The following IGF2R variants were observed in gnomAD, a reference collection of about 807,000 sequenced individuals.
IGF2R encodes cation-independent mannose-6-phosphate receptor.
In IGF2R, 91 loss-of-function variants were observed where a neutral mutation model predicts 270.6. The observed-to-expected ratio is 0.34, with a 90% CI of 0.28 to 0.40. IGF2R has a LOEUF of 0.40. Ranked by LOEUF, IGF2R falls within the 10% of genes least tolerant of loss-of-function variation. The pLI, the probability that IGF2R is intolerant of heterozygous loss-of-function variation, is 1.00. For missense variants in IGF2R, 2,805 were observed against 3,188.3 expected (o/e 0.88, Z 2.90); for synonymous variants, 1,316 against 1,258.9 (o/e 1.05, Z -0.96).
rs1777968376 is a variant in IGF2R at position 160,042,549 on chromosome 6, C to T, written c.1481-599C>T. ...GCTGGTGACACTCAGCTGGTGCCCC[C>T]TCACGTCCTGCAGGTGCCTAATCAG... On this transcript the variant is annotated intron_variant, in intron 11 of 47. Coordinates refer to ENST00000356956, the MANE Select transcript of IGF2R (RefSeq NM_000876.4). Among the ~76,000 whole-genome samples the T allele has an allele frequency of 3.3e-5, 5 of 152,190 alleles. No individual in the cohort carries two copies. In the South Asian group the frequency reaches 1.0e-3, roughly 31 times the overall value.
intron 1 of IGF2R, 87 bp downstream of exon 1, chr6:159,969,482 C>T: frequency 6.9e-6 from 7 of 1,007,750 alleles, no homozygotes; most frequent in Non-Finnish European, 7.4e-6. Context: ...CGAGGAGCTC[C>T]TGGGGTCTCC....
At chr6:160,083,583 G>C (rs8191910) in intron 39 of IGF2R, among the ~76,000 whole-genome samples, 68,828 of 152,096 alleles carry the variant, frequency 0.45, 16,318 homozygotes, top group East Asian at 0.67. Flanking sequence ...GGACAATACC[G>C]AGCTTTCCAG....
At position 160,073,303 on chromosome 6, in the gene IGF2R, A is replaced by T. The variant is rs1165280828; in HGVS notation, c.4781A>T (p.Asp1594Val). The change falls in exon 34 of 48, where the codon GAT (aspartate) becomes GTT (valine). Residue 1594 changes from aspartate to valine, a missense_variant. By Grantham distance (152) the Asp-to-Val change is radical (BLOSUM62 -3). Coordinates refer to ENST00000356956, the MANE Select transcript of IGF2R (RefSeq NM_000876.4). ...CAGGTCCTGCAGCTGGTGTACAAGG[A>T]TGGGTCCCCTTGTCCCTCCAAATCC... is the stretch of plus-strand genomic sequence containing the variant. ...VDQVLQLVYK[D>V]GSPCPSKSGL... is the part of the protein sequence containing the mutation. The T allele has an allele frequency of 6.2e-7, 1 of 1,614,236 alleles. No homozygotes were observed. The highest frequency in any genetic ancestry group is 1.1e-5 in the South Asian group (1 of 91,088).
intron 3 of IGF2R, among the ~76,000 whole-genome samples, chr6:160,009,935 T>C (rs1313638388): frequency 6.6e-6 from 1 of 152,226 alleles, no homozygotes; most frequent in African/African-American, 2.4e-5. Flanking sequence ...AAAACTAATA[T>C]TGTTAATTTT....
At position 159,985,410 on chromosome 6, in the gene IGF2R, TG is replaced by T. The variant is rs1783866044; in HGVS notation, c.150-5772del. 2.0e-5 allele frequency among the ~76,000 whole-genome samples: 3 copies of T among 152,210 alleles called. No homozygotes were observed. The South Asian group carries it at 6.2e-4, about 32-fold the overall frequency. On this transcript the variant is annotated intron_variant, in intron 1 of 47. Transcript: ENST00000356956. ...TCCTCATTCTGAGCCTTGGGATATT[TG>T]GCTTCAAAGCTGAGGAACTTGGGAG... is the stretch of plus-strand genomic sequence containing the variant.
chr6:160,028,037 T>C (rs1017767879), intron 6 of IGF2R, among the ~76,000 whole-genome samples: 2 of 152,226 alleles, frequency 1.3e-5, no homozygotes, highest in African/African-American at 2.4e-5. Flanking sequence ...GAAAAGTGTT[T>C]GGAATTTTCT....
intron 44 of IGF2R, chr6:160,094,214 G>A (rs1305953070): frequency 8.8e-6 from 3 of 341,334 alleles, no homozygotes; most frequent in South Asian, 2.4e-5. Context: ...TTTCTTCTCA[G>A]TATCCATTCG....
intron 13 of IGF2R, among the ~76,000 whole-genome samples, chr6:160,045,536 C>G (rs1489789329): frequency 1.3e-5 from 2 of 152,190 alleles, no homozygotes; most frequent in African/African-American, 4.8e-5. Flanking sequence ...TCCCTCTCTT[C>G]TACTTTTTGT....
chr6:160,092,686 G>A (rs935531307), intron 44 of IGF2R, among the ~76,000 whole-genome samples: 14 of 152,338 alleles, frequency 9.2e-5, no homozygotes, highest in Non-Finnish European at 1.5e-5. Flanking sequence ...CATCAGCCCT[G>A]TGGAACAGTC....
At position 160,061,809 on chromosome 6, in the gene IGF2R, G is replaced by C; in HGVS notation, c.3463G>C (p.Val1155Leu). 6.2e-7 allele frequency: 1 copy of C among 1,614,180 alleles called. No homozygotes were observed. The highest frequency in any genetic ancestry group is 2.2e-5 in the East Asian group (1 of 44,878). ...AGGCAATAGCTGGAATCTGGGTGTG[G>C]TGCAGATGAGTCCCCAAGCCGCGGC... ...SEGNSWNLGV[V>L]QMSPQAAANG... Residue 1155 changes from valine to leucine, a missense_variant, in exon 25 of 48, where the codon GTG (valine) becomes CTG (leucine). Physicochemically the swap from Val to Leu is conservative, Grantham distance 32. Around this residue, in one of 2 missense-constraint regions of IGF2R, gnomAD observed 1,851 missense variants for 2,207.2 expected, o/e 0.84. Coordinates refer to ENST00000356956, the MANE Select transcript of IGF2R (RefSeq NM_000876.4).
intron 37 of IGF2R, 133 bp downstream of exon 37, chr6:160,078,495 G>A: frequency 1.2e-6 from 1 of 828,264 alleles, no homozygotes; most frequent in South Asian, 1.6e-5. Context: ...GCAGCATCTT[G>A]GTGCTCTCGT....
Position 160,088,033 on chromosome 6 carries a change from G to T in IGF2R, c.6206G>T (p.Gly2069Val). 1.3e-6 allele frequency: 2 copies of T among 1,586,478 alleles called. No individual in the cohort carries two copies. The highest frequency in any genetic ancestry group is 4.5e-5 in the East Asian group (2 of 44,766). The change falls in exon 42 of 48, where the codon GGT becomes GTT. Residue 2069 changes from glycine (G) to valine (V), a missense_variant and splice_region_variant. Around this residue, in one of 2 missense-constraint regions of IGF2R, gnomAD observed 1,851 missense variants for 2,207.2 expected, o/e 0.84. Coordinates refer to ENST00000356956, the MANE Select transcript of IGF2R (RefSeq NM_000876.4). ...LVHTQKLGVI[G>V]DKVVVTYSKG... is the part of the protein sequence containing the mutation. ...CAGTTCAATCATTTGTGTGTTTCAG[G>T]TGACAAAGTTGTTGTCACGTACTCC...
Position 160,075,919 on chromosome 6 carries a change from A to G in IGF2R, c.5239A>G (p.Ser1747Gly), listed in dbSNP as rs1467026394. The change falls in exon 36 of 48, where the codon AGT (serine) becomes GGT (glycine). Residue 1747 changes from serine (S) to glycine (G), a missense_variant. Transcript: ENST00000356956. The part of the protein sequence containing the change: ...ANEIYLNFES[S>G]TPCLADKHFN... The stretch of plus-strand genomic sequence containing the variant: ...TGAGATTTACTTGAATTTTGAAAGC[A>G]GTACTCCTTGCTTAGCGGACAAGCA... 1 of 1,614,160 alleles carries G rather than the reference A, an allele frequency of 6.2e-7. No homozygotes were observed. The highest frequency in any genetic ancestry group is 1.1e-5 in the South Asian group (1 of 91,092).
At chr6:159,972,354 A>G (rs3777421) in intron 1 of IGF2R, among the ~76,000 whole-genome samples, 2 of 151,958 alleles carry the variant, frequency 1.3e-5, no homozygotes, top group Non-Finnish European at 2.9e-5. Flanking sequence ...GTAAATTGGT[A>G]ATTTCATACG....
chr6:159,988,270 C>T (rs1416500232), intron 1 of IGF2R, among the ~76,000 whole-genome samples: 1 of 152,072 alleles, frequency 6.6e-6, no homozygotes, highest in Non-Finnish European at 1.5e-5. Flanking sequence ...AATCCCAGCA[C>T]TTTGGGAAGC....
At chr6:160,086,708 C>T (rs557462099) in intron 41 of IGF2R, among the ~76,000 whole-genome samples, 11 of 152,190 alleles carry the variant, frequency 7.2e-5, no homozygotes, top group Admixed American at 7.2e-4. Flanking sequence ...AAAACAAATT[C>T]AGCTGGAGCA....
chr6:160,070,742 C>A, intron 31 of IGF2R, among the ~76,000 whole-genome samples: 1 of 152,214 alleles, frequency 6.6e-6, no homozygotes, highest in Non-Finnish European at 1.5e-5. Flanking sequence ...TTAACTCGGG[C>A]AAGACCAGCT....
intron 38 of IGF2R, 80 bp from the exon 39 acceptor site, chr6:160,080,049 A>C: frequency 6.6e-7 from 1 of 1,510,768 alleles, no homozygotes; most frequent in Non-Finnish European, 9.1e-7. Context: ...CAGCTTCCTT[A>C]GGGACTGCTG....
chr6:160,069,388 T>C (rs562053551), intron 30 of IGF2R, among the ~76,000 whole-genome samples: 1 of 152,256 alleles, frequency 6.6e-6, no homozygotes, highest in African/African-American at 2.4e-5. Context: ...CCTTGCTGCG[T>C]TGTGCTGTGC....
Sources: allele counts gnomAD v4.1 joint callset (sites outside exome capture counted in the v4.1 genomes callset), GRCh38; gene constraint gnomAD v4.1.1; regional missense constraint gnomAD v4.1.1; transcripts MANE v1.5; gene names NCBI Gene and HGNC (gene_info 2026-07-23, HGNC 2026-07-21).